SMCHD1: variants seen among roughly 807,000 people sequenced by gnomAD.
SMCHD1 encodes the protein structural maintenance of chromosomes flexible hinge domain-containing protein 1.
Under a neutral mutation model 254.7 loss-of-function variants are expected in SMCHD1, and 78 were observed. The observed-to-expected ratio is 0.31, with a 90% CI of 0.26 to 0.37. The LOEUF is 0.37. Ranked by LOEUF, SMCHD1 falls within the 10% of genes least tolerant of loss-of-function variation. The probability of loss-of-function intolerance (pLI) is 1.00; values close to 1 mark genes in which losing one functional copy is unlikely to be tolerated. For missense variants in SMCHD1, 1,840 were observed against 2,408.1 expected, an observed-to-expected ratio of 0.76 and a Z score of 4.94; for synonymous variants, 766 against 794.9, an observed-to-expected ratio of 0.96 and a Z score of 0.61.
chr18:2,709,220 ATG>A (rs1268531867), intron 17 of SMCHD1, among the ~76,000 whole-genome samples: 1 of 102,768 alleles, frequency 9.7e-6, no homozygotes, highest in East Asian at 2.6e-4. Context: ...GTGTGTATAT[ATG>A]TGTATATGTG....
chr18:2,673,385 G>A (rs2073662920), intron 4 of SMCHD1, 22 bp downstream of exon 4: 5 of 1,409,572 alleles, frequency 3.5e-6, no homozygotes, highest in Non-Finnish European at 4.7e-6. Context: ...ATACTGTAAA[G>A]CAATTTAACT....
chr18:2,795,534 A>G (rs1004398162), intron 45 of SMCHD1, among the ~76,000 whole-genome samples: 7 of 152,224 alleles, frequency 4.6e-5, no homozygotes, highest in African/African-American at 1.7e-4. Context: ...CCTGTTACTC[A>G]TCAGTTTTCA....
rs1462790313 is a variant in SMCHD1 at position 2,784,561 on chromosome 18, C to T, written c.5659C>T (p.Arg1887Trp). 16 of 1,610,884 alleles carry T rather than the reference C, an allele frequency of 9.9e-6. No individual in the cohort carries two copies. The highest frequency in any genetic ancestry group is 2.2e-5 in the South Asian group (2 of 90,228). Residue 1887 changes from arginine to tryptophan, a missense_variant, in exon 45 of 48, where the codon CGG becomes TGG. Physicochemically the swap from Arg to Trp is moderately radical, Grantham distance 101. Around this residue, in one of 9 missense-constraint regions of SMCHD1, gnomAD observed 114 missense variants for 217.6 expected, o/e 0.52. Coordinates refer to ENST00000320876, the MANE Select transcript of SMCHD1 (RefSeq NM_015295.3). ...QNKAPPMDKL[R>W]GMVFGAPVPK... The stretch of plus-strand genomic sequence containing the variant: ...TAAAGCTCCTCCAATGGATAAACTT[C>T]GGGGAATGGTATTTGGAGCTCCAGT...
intron 1 of SMCHD1, among the ~76,000 whole-genome samples, chr18:2,658,974 ACTC>A (rs1274158795): frequency 1.3e-5 from 2 of 151,870 alleles, no homozygotes; most frequent in Middle Eastern, 3.4e-3. Context: ...TTTTTACACT[ACTC>A]CACACTATTT....
intron 25 of SMCHD1, among the ~76,000 whole-genome samples, chr18:2,733,191 A>C (rs1440344124): frequency 1.3e-5 from 2 of 152,236 alleles, no homozygotes; most frequent in Non-Finnish European, 2.9e-5. Context: ...TTGTTCTTCT[A>C]TAATGAGACA....
At chr18:2,712,174 G>T (rs1467664473) in intron 17 of SMCHD1, among the ~76,000 whole-genome samples, 1 of 150,760 alleles carries the variant, frequency 6.6e-6, no homozygotes, top group African/African-American at 2.4e-5. Context: ...CTAGCATATT[G>T]TTGAGAATTT....
At chr18:2,692,942 T>C (rs1442426734) in intron 7 of SMCHD1, among the ~76,000 whole-genome samples, 1 of 152,248 alleles carries the variant, frequency 6.6e-6, no homozygotes, top group Non-Finnish European at 1.5e-5. Context: ...ATTTGCATCG[T>C]TAGTAAATTC....
intron 47 of SMCHD1, among the ~76,000 whole-genome samples, chr18:2,798,821 A>G (rs2076307716): frequency 6.6e-6 from 1 of 152,202 alleles, no homozygotes; most frequent in South Asian, 2.1e-4. Context: ...TTTTTTAGAG[A>G]GACCAGAACC....
chr18:2,748,380 G>GTGTGTGTGTGTGTGTGTGTGTATA (rs561439889), intron 30 of SMCHD1, among the ~76,000 whole-genome samples: 4 of 80,278 alleles, frequency 5.0e-5, no homozygotes, highest in African/African-American at 2.8e-4. Context: ...GTGTGTGTGT[G>GTGTGTGTGTGTGTGTGTGTGTATA]TGTATATAAA....
At chr18:2,713,710 T>C (rs1258726953) in intron 17 of SMCHD1, among the ~76,000 whole-genome samples, 1 of 152,190 alleles carries the variant, frequency 6.6e-6, no homozygotes, top group Non-Finnish European at 1.5e-5. Flanking sequence ...TTTTAAATTT[T>C]CATATCAATT....
chr18:2,669,538 T>C (rs1304109812), intron 3 of SMCHD1, among the ~76,000 whole-genome samples: 1 of 152,152 alleles, frequency 6.6e-6, no homozygotes, highest in East Asian at 1.9e-4. Context: ...CTTATTAATA[T>C]TGAAGTGCCT....
At chr18:2,669,437 T>C (rs2073534629) in intron 3 of SMCHD1, among the ~76,000 whole-genome samples, 1 of 152,182 alleles carries the variant, frequency 6.6e-6, no homozygotes, top group African/African-American at 2.4e-5. Flanking sequence ...GGCCTCAAAT[T>C]ATTCTCCTGC....
intron 1 of SMCHD1, among the ~76,000 whole-genome samples, chr18:2,662,667 CAAAAA>C (rs745838636): frequency 2.8e-5 from 1 of 35,684 alleles, no homozygotes; most frequent in East Asian, 9.3e-4. Context: ...AACAAAAAAC[CAAAAA>C]AAAAAAAAAA....
intron 25 of SMCHD1, among the ~76,000 whole-genome samples, chr18:2,735,371 C>A (rs1431666067): frequency 6.6e-6 from 1 of 152,086 alleles, no homozygotes; most frequent in Non-Finnish European, 1.5e-5. Context: ...TCCTTGAGAA[C>A]TGGAACAAGA....
At chr18:2,696,908 A>G (rs1339634079) in intron 8 of SMCHD1, 124 bp from the exon 9 acceptor site, 1 of 485,126 alleles carries the variant, frequency 2.1e-6, no homozygotes, top group Non-Finnish European at 3.7e-6. Flanking sequence ...TGGAATATGT[A>G]TTTTAAAATG....
At chr18:2,690,391 G>A (rs180856832) in intron 7 of SMCHD1, among the ~76,000 whole-genome samples, 79 of 152,284 alleles carry the variant, frequency 5.2e-4, no homozygotes, top group African/African-American at 1.9e-3. Flanking sequence ...ATTGCGATGA[G>A]TATCTTTGCA....
chr18:2,757,100 CAT>C (rs1453153644), intron 34 of SMCHD1, among the ~76,000 whole-genome samples: 29 of 152,298 alleles, frequency 1.9e-4, no homozygotes, highest in African/African-American at 6.5e-4. Context: ...ACACACAAAA[CAT>C]GTATATGTGT....
At chr18:2,758,328 G>C (rs572677831) in intron 34 of SMCHD1, among the ~76,000 whole-genome samples, 2 of 151,844 alleles carry the variant, frequency 1.3e-5, no homozygotes, top group Non-Finnish European at 2.9e-5. Flanking sequence ...GATTTGTAAC[G>C]TGTATACTTG....
chr18:2,693,078 G>C (rs1465936021), intron 7 of SMCHD1, among the ~76,000 whole-genome samples: 1 of 152,146 alleles, frequency 6.6e-6, no homozygotes, highest in Non-Finnish European at 1.5e-5. Flanking sequence ...AGGATTTATT[G>C]TTTTTTAAAT....
Sources: allele counts gnomAD v4.1 joint callset (sites outside exome capture counted in the v4.1 genomes callset), GRCh38; gene constraint gnomAD v4.1.1; regional missense constraint gnomAD v4.1.1; transcripts MANE v1.5; gene names NCBI Gene and HGNC (gene_info 2026-07-23, HGNC 2026-07-21).